Variants in RRM2B observed in about 807,000 individuals in gnomAD.
RRM2B encodes the protein ribonucleoside-diphosphate reductase subunit M2 B.
RRM2B carries 20 observed loss-of-function variants against 45.9 expected under a neutral mutation model. The observed-to-expected ratio is 0.44, with a 90% CI of 0.31 to 0.63. The LOEUF (loss-of-function observed/expected upper bound fraction) is 0.63. RRM2B is among the 30% of genes least tolerant of loss of function. The pLI, the probability that RRM2B is intolerant of heterozygous loss-of-function variation, is 0.09. For missense variants in RRM2B, 320 were observed against 414.7 expected (o/e 0.77, Z 1.98); for synonymous variants, 124 against 132.3 (o/e 0.94, Z 0.43).
intron 5 of RRM2B, among the ~76,000 whole-genome samples, chr8:102,220,473 C>G (rs544435206): frequency 3.3e-5 from 5 of 152,220 alleles, no homozygotes; most frequent in African/African-American, 9.6e-5. Context: ...GGGTCTTGCT[C>G]TTGTCACCCA....
chr8:102,209,119 T>C (rs774063255), intron 8 of RRM2B, among the ~76,000 whole-genome samples: 2 of 151,944 alleles, frequency 1.3e-5, no homozygotes, highest in South Asian at 2.1e-4. Context: ...CATTGCACTG[T>C]AGCCTGGGCA....
chr8:102,232,010 T>G (rs1165735172), intron 2 of RRM2B, 139 bp downstream of exon 2: 3 of 811,050 alleles, frequency 3.7e-6, no homozygotes, highest in Non-Finnish European at 6.2e-6. Flanking sequence ...AACATCATAT[T>G]TAGTCTCAGT....
chr8:102,223,590 G>A (rs1810871659), intron 5 of RRM2B, among the ~76,000 whole-genome samples: 1 of 151,628 alleles, frequency 6.6e-6, no homozygotes, highest in Non-Finnish European at 1.5e-5. Flanking sequence ...AGCTACTCAG[G>A]AGGCTGAGGC....
intron 5 of RRM2B, among the ~76,000 whole-genome samples, chr8:102,221,357 T>C (rs1810832502): frequency 6.6e-6 from 1 of 152,216 alleles, no homozygotes. Context: ...CCAAAAATGT[T>C]AGGCAAAACC....
In RRM2B at chr8:102,207,102, T is replaced by G. The variant is rs1439697303; in HGVS notation, c.*1031A>C. 6.6e-6 allele frequency: 1 copy of G among 152,148 alleles called. No individual in the cohort carries two copies. Among genetic ancestry groups the G allele is most frequent in the East Asian group, 1.9e-4 (1 of 5,198 alleles). The allele number at this position is 152,148 out of a possible 1,614,324, so 9.4% of individuals were successfully genotyped here. ...ACTAGCTGGGTGAGATGTTAACAGG[T>G]AAAAAACATCTGTGTTAAGTATGTT... is the stretch of plus-strand genomic sequence containing the variant. On this transcript the variant is annotated 3_prime_UTR_variant, in exon 9 of 9. Transcript: ENST00000251810.
At chr8:102,226,467 C>G (rs1040819028) in intron 2 of RRM2B, among the ~76,000 whole-genome samples, 1 of 151,246 alleles carries the variant, frequency 6.6e-6, no homozygotes, top group African/African-American at 2.4e-5. Flanking sequence ...TTCAAATTAA[C>G]ATAATCTAGT....
chr8:102,208,416 C>T, intron 8 of RRM2B, 131 bp from the exon 9 acceptor site: 1 of 710,524 alleles, frequency 1.4e-6, no homozygotes, highest in Non-Finnish European at 2.4e-6. Flanking sequence ...CATATCATTC[C>T]CCTAAGACCC....
At chr8:102,214,472 G>GA (rs1176349397) in intron 6 of RRM2B, 3 of 283,470 alleles carry the variant, frequency 1.1e-5, no homozygotes, top group African/African-American at 2.2e-5. Flanking sequence ...AGCCTGAAAT[G>GA]AAAATTCATT....
chr8:102,226,072 T>A, intron 2 of RRM2B, 38 bp from the exon 3 acceptor site: 1 of 1,269,622 alleles, frequency 7.9e-7, no homozygotes, highest in Non-Finnish European at 1.2e-6. Flanking sequence ...TAATTTGGAG[T>A]TAAGTTCTTC....
intron 5 of RRM2B, among the ~76,000 whole-genome samples, chr8:102,223,690 C>T (rs112093966): frequency 0.11 from 14,461 of 134,130 alleles, 771 homozygotes; most frequent in Middle Eastern, 0.16. Flanking sequence ...AGCGAGACTC[C>T]GTCTCAAAAA....
rs1419171771 is a variant in RRM2B at position 102,232,130 on chromosome 8, T to C, written c.204+19A>G. On this transcript the variant is annotated intron_variant, in intron 2 of 8. Transcript: ENST00000251810. ...CTGCACTATAGGATGTGAATGCTCT[T>C]GGAGGCAATGCCACGTACCTCTTCT... 3 of 1,612,336 alleles carry C rather than the reference T, an allele frequency of 1.9e-6. No homozygotes were observed. The highest frequency in any genetic ancestry group is 2.5e-6 in the Non-Finnish European group (3 of 1,178,452).
In RRM2B at chr8:102,204,674, G is replaced by C. The variant is rs1347251953; in HGVS notation, c.*3459C>G. 6.6e-6 allele frequency: 1 copy of C among 151,910 alleles called. No individual in the cohort carries two copies. The highest frequency in any genetic ancestry group is 1.5e-5 in the Non-Finnish European group (1 of 67,996). 9.4% of individuals were successfully genotyped at this position (151,910 alleles called of 1,614,324 possible). On this transcript the variant is annotated 3_prime_UTR_variant, in exon 9 of 9. Coordinates refer to ENST00000251810, the MANE Select transcript of RRM2B (RefSeq NM_015713.5). ...AAAAAAACAAATTCTGTACATGCAG[G>C]CTTGGCTTGATTGACCATAATGTAT...
At chr8:102,215,944 C>CAAAAAAAAAAAAAAAAA (rs60059243) in intron 6 of RRM2B, among the ~76,000 whole-genome samples, 7 of 75,710 alleles carry the variant, frequency 9.2e-5, no homozygotes, top group African/African-American at 2.3e-4. Context: ...GACCCTGTCT[C>CAAAAAAAAAAAAAAAAA]AAAAAAAAAA....
At chr8:102,238,754 G>A (rs1426282488) in intron 1 of RRM2B, 73 bp downstream of exon 1, 2 of 1,611,446 alleles carry the variant, frequency 1.2e-6, no homozygotes, top group Non-Finnish European at 1.7e-6. Flanking sequence ...ATTTCCTACA[G>A]CGGTCCTGCA....
chr8:102,223,054 T>G (rs995167252), intron 5 of RRM2B, among the ~76,000 whole-genome samples: 6 of 152,124 alleles, frequency 3.9e-5, no homozygotes, highest in African/African-American at 1.4e-4. Context: ...GAGACTTGCT[T>G]CCTCACATAA....
intron 2 of RRM2B, 92 bp from the exon 3 acceptor site, chr8:102,226,126 T>A: frequency 2.6e-6 from 2 of 770,606 alleles, no homozygotes; most frequent in South Asian, 1.4e-5. Flanking sequence ...AGTAGGAATA[T>A]CCCACTACCA....
chr8:102,225,724 T>C (rs1294678676), intron 3 of RRM2B, among the ~76,000 whole-genome samples, 194 bp downstream of exon 3: 1 of 152,224 alleles, frequency 6.6e-6, no homozygotes, highest in African/African-American at 2.4e-5. Context: ...TTGATTCATA[T>C]CATTTATGCT....
In RRM2B at chr8:102,207,916, C is replaced by A; in HGVS notation, c.*217G>T. Reference sequence around the variant, plus strand: ...CATGCTCTTAACCACATAATGCCATCTTTTATTTCAGTGACAAGACAAAAG... The same window carrying A: ...CATGCTCTTAACCACATAATGCCATATTTTATTTCAGTGACAAGACAAAAG... On this transcript the variant is annotated 3_prime_UTR_variant, in exon 9 of 9. Transcript: ENST00000251810. 1 of 500,302 alleles carries A rather than the reference C, an allele frequency of 2.0e-6. No individual in the cohort carries two copies. Among genetic ancestry groups the A allele is most frequent in the Non-Finnish European group, 3.6e-6 (1 of 279,630 alleles). The allele number at this position is 500,302 out of a possible 1,614,324, so 31.0% of individuals were successfully genotyped here. A position where few individuals can be genotyped will look rare whatever the true frequency, so the allele number is the denominator to read the frequency against.
At chr8:102,219,063 A>T in intron 5 of RRM2B, 116 bp from the exon 6 acceptor site, 1 of 1,121,838 alleles carries the variant, frequency 8.9e-7, no homozygotes, top group South Asian at 1.3e-5. Flanking sequence ...CAAAATACAC[A>T]AGTTAGTGCC....
Sources: gnomAD v4.1 joint callset for allele counts (sites outside exome capture counted in the v4.1 genomes callset) on GRCh38, gnomAD v4.1.1 for gene constraint, MANE v1.5 for transcripts, NCBI Gene and HGNC (gene_info 2026-07-23, HGNC 2026-07-21) for gene names.